The following FGD5 variants were observed in gnomAD, a reference collection of about 807,000 sequenced individuals.
FGD5 encodes the protein FYVE, RhoGEF and PH domain-containing protein 5.
A neutral mutation model predicts 133.4 loss-of-function variants in FGD5; 28 were observed. The observed-to-expected ratio is 0.21, with a 90% CI of 0.16 to 0.29. FGD5 has a LOEUF of 0.29. Among genes scored for constraint, FGD5 ranks in the 10% least tolerant of loss-of-function variants. The probability of loss-of-function intolerance (pLI) is 1.00; values close to 1 mark genes in which losing one functional copy is unlikely to be tolerated. For missense variants in FGD5, 1,858 were observed against 1,895.2 expected (o/e 0.98, Z 0.36); for synonymous variants, 810 against 776.5 (o/e 1.04, Z -0.72).
At chr3:14,925,100 C>CAAAAA (rs10714568) in intron 17 of FGD5, among the ~76,000 whole-genome samples, 2 of 71,806 alleles carry the variant, frequency 2.8e-5, no homozygotes, top group Non-Finnish European at 4.9e-5. Flanking sequence ...GACTCTGTCT[C>CAAAAA]AAAAAAAAAA....
intron 9 of FGD5, among the ~76,000 whole-genome samples, chr3:14,902,103 G>GAA (rs1369792536): frequency 1.3e-5 from 2 of 151,878 alleles, no homozygotes; most frequent in Non-Finnish European, 2.9e-5. Flanking sequence ...CCAACATGAT[G>GAA]AAACCCTGTC....
chr3:14,839,410 A>T (rs1327759982), intron 1 of FGD5, among the ~76,000 whole-genome samples: 2 of 152,164 alleles, frequency 1.3e-5, no homozygotes, highest in African/African-American at 4.8e-5. Context: ...GGGGTGTCCC[A>T]GAAGGTTTGA....
intron 4 of FGD5, among the ~76,000 whole-genome samples, chr3:14,887,798 G>C (rs11921584): frequency 0.7 from 106,210 of 151,878 alleles, 37,247 homozygotes; most frequent in Non-Finnish European, 0.72. Flanking sequence ...TGAATAGCCA[G>C]GTGGGGGTGC....
chr3:14,881,686 C>G (rs1261310144), intron 4 of FGD5, among the ~76,000 whole-genome samples: 1 of 152,216 alleles, frequency 6.6e-6, no homozygotes, highest in Non-Finnish European at 1.5e-5. Context: ...TTGAATCATT[C>G]ACCATCTCTA....
chr3:14,890,704 T>C (rs1177164860), intron 4 of FGD5, among the ~76,000 whole-genome samples: 3 of 152,234 alleles, frequency 2.0e-5, no homozygotes, highest in Admixed American at 6.5e-5. Flanking sequence ...GTGGCCATCC[T>C]GCCCATTGGG....
chr3:14,828,554 A>G (rs1034744500), intron 1 of FGD5, among the ~76,000 whole-genome samples: 4 of 152,186 alleles, frequency 2.6e-5, no homozygotes, highest in African/African-American at 9.7e-5. Flanking sequence ...ACAGTAGGAC[A>G]TTGTGAGTGA....
At chr3:14,837,807 G>A (rs1258897568) in intron 1 of FGD5, among the ~76,000 whole-genome samples, 1 of 152,194 alleles carries the variant, frequency 6.6e-6, no homozygotes, top group Non-Finnish European at 1.5e-5. Flanking sequence ...CCTTTTTCTT[G>A]TGTTTCTTTT....
At chr3:14,885,426 G>T (rs1235465743) in intron 4 of FGD5, among the ~76,000 whole-genome samples, 1 of 152,140 alleles carries the variant, frequency 6.6e-6, no homozygotes, top group Non-Finnish European at 1.5e-5. Flanking sequence ...CTGTCCGCAG[G>T]TGCAGTCGTG....
At chr3:14,903,533 G>A (rs950396922) in intron 9 of FGD5, among the ~76,000 whole-genome samples, 153 of 125,744 alleles carry the variant, frequency 1.2e-3, no homozygotes, top group African/African-American at 4.5e-3. Flanking sequence ...TCCCCAGAGT[G>A]TGATGTTCCC....
intron 7 of FGD5, among the ~76,000 whole-genome samples, chr3:14,899,689 A>G (rs1397435578): frequency 6.6e-6 from 1 of 152,254 alleles, no homozygotes; most frequent in Non-Finnish European, 1.5e-5. Flanking sequence ...ACTCAGTGAC[A>G]CTGTAGAGCT....
chr3:14,840,878 A>G (rs2036908653), intron 1 of FGD5, among the ~76,000 whole-genome samples: 1 of 152,208 alleles, frequency 6.6e-6, no homozygotes, highest in Non-Finnish European at 1.5e-5. Context: ...TGCTTATTTT[A>G]TTTAACTGTG....
rs2038797515 is a variant in FGD5 at position 14,926,053 on chromosome 3, T to G, written c.4069-17T>G. On this transcript the variant is annotated splice_polypyrimidine_tract_variant and intron_variant, in intron 17 of 19. Transcript: ENST00000285046. Reference sequence around the variant, plus strand: ...GACCACCGGGGTGGGCTGACCGCTCTGCTTCCCTCCTGCCAGGTGGCTGCC... The same window carrying G: ...GACCACCGGGGTGGGCTGACCGCTCGGCTTCCCTCCTGCCAGGTGGCTGCC... The G allele has an allele frequency of 2.5e-6, 4 of 1,613,136 alleles. No individual in the cohort carries two copies. Among genetic ancestry groups the G allele is most frequent in the Non-Finnish European group, 3.4e-6 (4 of 1,179,584 alleles).
At chr3:14,870,712 C>A (rs2037590645) in intron 2 of FGD5, among the ~76,000 whole-genome samples, 1 of 152,230 alleles carries the variant, frequency 6.6e-6, no homozygotes, top group Non-Finnish European at 1.5e-5. Flanking sequence ...AGCACACCAT[C>A]TGGCCTGACC....
chr3:14,929,701 G>C (rs925505874), intron 18 of FGD5, among the ~76,000 whole-genome samples: 2 of 152,128 alleles, frequency 1.3e-5, no homozygotes, highest in Non-Finnish European at 2.9e-5. Context: ...TTTTAAAGTA[G>C]GTTGTACTGT....
At chr3:14,910,069 A>G (rs1243153779) in intron 10 of FGD5, among the ~76,000 whole-genome samples, 2 of 152,068 alleles carry the variant, frequency 1.3e-5, no homozygotes, top group Admixed American at 1.3e-4. Flanking sequence ...TGGTTGTGAT[A>G]ATGCACTTTT....
intron 1 of FGD5, 158 bp downstream of exon 1, chr3:14,821,754 G>T (rs1276918980): frequency 9.4e-7 from 1 of 1,060,554 alleles, no homozygotes; most frequent in Admixed American, 3.2e-5. Context: ...CTGAGCCTCG[G>T]TTACTTCATC....
intron 18 of FGD5, among the ~76,000 whole-genome samples, chr3:14,929,498 AT>A (rs2038867678): frequency 6.6e-6 from 1 of 152,242 alleles, no homozygotes; most frequent in African/African-American, 2.4e-5. Flanking sequence ...GCTCCACATC[AT>A]TGCTAACACT....
chr3:14,844,781 A>C (rs942730094), intron 1 of FGD5, among the ~76,000 whole-genome samples: 7 of 152,190 alleles, frequency 4.6e-5, no homozygotes, highest in African/African-American at 1.7e-4. Flanking sequence ...GACAATGTCT[A>C]GAAGGAGCTA....
intron 1 of FGD5, among the ~76,000 whole-genome samples, chr3:14,812,971 T>C (rs1575182118): frequency 6.6e-6 from 1 of 152,278 alleles, no homozygotes; most frequent in East Asian, 1.9e-4. Context: ...ACCATTGCCA[T>C]CCCCATTTTA....
Sources: gnomAD v4.1 joint callset for allele counts (sites outside exome capture counted in the v4.1 genomes callset) on GRCh38, gnomAD v4.1.1 for gene constraint, MANE v1.5 for transcripts, NCBI Gene and HGNC (gene_info 2026-07-23, HGNC 2026-07-21) for gene names.